The following ARHGAP26 variants were observed in gnomAD, a reference collection of about 807,000 sequenced individuals.
ARHGAP26 encodes the protein Rho GTPase activating protein 26, also known as rho GTPase-activating protein 26.
Under a neutral mutation model 104.8 loss-of-function variants are expected in ARHGAP26, and 38 were observed. The observed-to-expected ratio is 0.36, with a 90% confidence interval of 0.28 to 0.48. The LOEUF (loss-of-function observed/expected upper bound fraction) is 0.48, where lower values mean the gene tolerates loss of function less well. ARHGAP26 is among the 20% of genes least tolerant of loss of function. The pLI, the probability that ARHGAP26 is intolerant of heterozygous loss-of-function variation, is 0.99. For missense variants in ARHGAP26, 704 were observed against 947.9 expected, an observed-to-expected ratio of 0.74 and a Z score of 3.38; for synonymous variants, 341 against 340.0, an observed-to-expected ratio of 1.00 and a Z score of -0.03.
intron 21 of ARHGAP26, among the ~76,000 whole-genome samples, chr5:143,212,941 T>C (rs181480239): frequency 5.9e-5 from 9 of 152,178 alleles, no homozygotes; most frequent in African/African-American, 2.2e-4. Flanking sequence ...GTCAGGAGAT[T>C]GAGACCATCC....
intron 11 of ARHGAP26, among the ~76,000 whole-genome samples, chr5:142,966,970 T>C (rs992597522): frequency 5.9e-5 from 9 of 152,316 alleles, no homozygotes; most frequent in Admixed American, 3.3e-4. Context: ...TGTATGCATA[T>C]TATTATCATA....
rs145415969 is a variant in ARHGAP26 at position 143,130,578 on chromosome 5, A to G, written c.1699-3389A>G. On this transcript the variant is annotated intron_variant, in intron 18 of 22. Coordinates refer to ENST00000645722, the MANE Select transcript of ARHGAP26 (RefSeq NM_001135608.3). Reference sequence around the variant, plus strand: ...GTTGTTTGCACAGTGATTCTTCTCTACAGACTGAAGAAAACTTCATTTGAT... The same window carrying G: ...GTTGTTTGCACAGTGATTCTTCTCTGCAGACTGAAGAAAACTTCATTTGAT... Among the ~76,000 whole-genome samples, 7 of 152,316 alleles carry G rather than the reference A, an allele frequency of 4.6e-5. No homozygotes were observed. The East Asian group carries it at 1.4e-3, about 29-fold the overall frequency.
chr5:143,071,320 T>C (rs1382257274), intron 17 of ARHGAP26, among the ~76,000 whole-genome samples: 1 of 152,210 alleles, frequency 6.6e-6, no homozygotes, highest in Non-Finnish European at 1.5e-5. Flanking sequence ...TAAATGAATC[T>C]ACACATCTCC....
At chr5:142,998,531 C>T (rs569246587) in intron 11 of ARHGAP26, among the ~76,000 whole-genome samples, 24 of 152,258 alleles carry the variant, frequency 1.6e-4, no homozygotes, top group East Asian at 5.8e-4. Flanking sequence ...TGCTCAGGTC[C>T]GGTGTGCTTT....
intron 11 of ARHGAP26, among the ~76,000 whole-genome samples, chr5:142,993,055 C>A (rs1271774491): frequency 1.3e-5 from 2 of 151,974 alleles, no homozygotes; most frequent in Non-Finnish European, 2.9e-5. Flanking sequence ...GATCTCGGCT[C>A]ACTGCAACCT....
At chr5:143,174,678 A>G (rs1350424396) in intron 20 of ARHGAP26, among the ~76,000 whole-genome samples, 1 of 152,216 alleles carries the variant, frequency 6.6e-6, no homozygotes, top group Non-Finnish European at 1.5e-5. Flanking sequence ...TTATTTGTAG[A>G]TATATACCTC....
chr5:143,059,930 T>C (rs756518007), intron 17 of ARHGAP26, among the ~76,000 whole-genome samples: 15 of 152,226 alleles, frequency 9.9e-5, no homozygotes, highest in Non-Finnish European at 7.3e-5. Flanking sequence ...ATATTTAAAA[T>C]GTCCCTGTGG....
intron 17 of ARHGAP26, among the ~76,000 whole-genome samples, chr5:143,113,575 T>C (rs1343252372): frequency 2.0e-5 from 3 of 152,196 alleles, no homozygotes; most frequent in Non-Finnish European, 4.4e-5. Flanking sequence ...AGGAACCGGC[T>C]CTGACTGTGC....
At chr5:143,024,209 T>G (rs1780723611) in intron 12 of ARHGAP26, among the ~76,000 whole-genome samples, 1 of 152,200 alleles carries the variant, frequency 6.6e-6, no homozygotes, top group Non-Finnish European at 1.5e-5. Flanking sequence ...CTATTTTGTT[T>G]GATGAGACCC....
In ARHGAP26 at chr5:142,838,129, G is replaced by A. The variant is rs186160109; in HGVS notation, c.155-35271G>A. Among the ~76,000 whole-genome samples, 245 of 152,130 alleles carry A rather than the reference G, an allele frequency of 1.6e-3. 1 individual carries two copies. The highest frequency in any genetic ancestry group is 2.9e-3 in the Non-Finnish European group (195 of 68,002). The stretch of plus-strand genomic sequence containing the variant: ...AAAATTAGCTGGGCATAGTGGGTGG[G>A]CACCTATAATCCCAGCTACTCAGGA... On this transcript the variant is annotated intron_variant, in intron 1 of 22. Coordinates refer to ENST00000645722, the MANE Select transcript of ARHGAP26 (RefSeq NM_001135608.3).
At chr5:143,060,327 G>C (rs1786518057) in intron 17 of ARHGAP26, among the ~76,000 whole-genome samples, 1 of 152,118 alleles carries the variant, frequency 6.6e-6, no homozygotes, top group Non-Finnish European at 1.5e-5. Flanking sequence ...ATTTTGTATT[G>C]TATATTTTTT....
At chr5:143,057,571 C>G in intron 16 of ARHGAP26, 71 bp from the exon 17 acceptor site, 2 of 1,312,384 alleles carry the variant, frequency 1.5e-6, no homozygotes, top group South Asian at 1.2e-5. Flanking sequence ...TTTGGTTTCC[C>G]TTAATTTTTC....
rs185237216 is a variant in ARHGAP26, at chr5:142,916,081, G to C, written c.1028+2788G>C. ...ACCTAGGAAATGTGGAAGTGAAAGAGGGGATGGTTATATTTAATCGCATAA... is the reference window on the plus strand; with the variant it reads ...ACCTAGGAAATGTGGAAGTGAAAGACGGGATGGTTATATTTAATCGCATAA... On this transcript the variant is annotated intron_variant, in intron 10 of 22. Transcript: ENST00000645722. 6.8e-3 allele frequency among the ~76,000 whole-genome samples: 1,039 copies of C among 152,314 alleles called. 13 individuals carry two copies. The highest frequency in any genetic ancestry group is 0.024 in the African/African-American group (992 of 41,556).
intron 6 of ARHGAP26, among the ~76,000 whole-genome samples, chr5:142,894,722 T>C (rs1759224396): frequency 6.6e-6 from 1 of 152,250 alleles, no homozygotes; most frequent in South Asian, 2.1e-4. Flanking sequence ...CTTCTCTTCC[T>C]CAAATAATTC....
intron 3 of ARHGAP26, among the ~76,000 whole-genome samples, chr5:142,875,982 ATCC>A (rs1334806212): frequency 6.6e-6 from 1 of 152,178 alleles, no homozygotes; most frequent in African/African-American, 2.4e-5. Flanking sequence ...ACCTTAAGTG[ATCC>A]TCCTGCCTTG....
At chr5:143,157,730 A>G (rs183514183) in intron 20 of ARHGAP26, among the ~76,000 whole-genome samples, 20 of 152,338 alleles carry the variant, frequency 1.3e-4, no homozygotes, top group African/African-American at 4.8e-4. Context: ...TTCAGAGAAC[A>G]GAGATTTTGT....
intron 1 of ARHGAP26, chr5:142,771,215 A>G (rs987692039): frequency 1.0e-5 from 13 of 1,271,328 alleles, no homozygotes; most frequent in Non-Finnish European, 1.3e-5. Context: ...CAGGTGTCCC[A>G]GCAGTGGGGC....
chr5:142,984,850 T>G (rs1340353451), intron 11 of ARHGAP26, among the ~76,000 whole-genome samples: 1 of 152,218 alleles, frequency 6.6e-6, no homozygotes, highest in Non-Finnish European at 1.5e-5. Context: ...AATAAATGAC[T>G]GTGTTACTAG....
At chr5:142,815,940 A>G (rs1765037607) in intron 1 of ARHGAP26, among the ~76,000 whole-genome samples, 1 of 149,484 alleles carries the variant, frequency 6.7e-6, no homozygotes, top group South Asian at 2.1e-4. Context: ...GACCACAGAC[A>G]TGCACCACCA....
Sources: gnomAD v4.1 joint callset for allele counts (sites outside exome capture counted in the v4.1 genomes callset) on GRCh38, gnomAD v4.1.1 for gene constraint, MANE v1.5 for transcripts, NCBI Gene and HGNC (gene_info 2026-07-23, HGNC 2026-07-21) for gene names.